Variants in ATP9B observed in about 807,000 individuals in gnomAD.
ATP9B encodes the protein probable phospholipid-transporting ATPase IIB.
In ATP9B, 110 loss-of-function variants were observed where a neutral mutation model predicts 146.1. The observed-to-expected ratio is 0.75, with a 90% CI of 0.65 to 0.88. The LOEUF is 0.88. Among genes scored for constraint, ATP9B ranks in the 40% least tolerant of loss-of-function variants. The probability of loss-of-function intolerance (pLI) is 0.00; values close to 1 mark genes in which losing one functional copy is unlikely to be tolerated. For synonymous variants in ATP9B, 604 were observed against 569.7 expected, an observed-to-expected ratio of 1.06 and a Z score of -0.86; for missense variants, 1,499 against 1,496.4, an observed-to-expected ratio of 1.00 and a Z score of -0.03.
At chr18:79,300,333 G>T (rs541518386) in intron 13 of ATP9B, among the ~76,000 whole-genome samples, 1 of 152,256 alleles carries the variant, frequency 6.6e-6, no homozygotes, top group South Asian at 2.1e-4. Flanking sequence ...TGTCACCTGG[G>T]TGCCCTCGTG....
At chr18:79,257,969 C>T (rs2096099954) in intron 12 of ATP9B, among the ~76,000 whole-genome samples, 1 of 152,148 alleles carries the variant, frequency 6.6e-6, no homozygotes, top group Admixed American at 6.5e-5. Flanking sequence ...ACTTTTATTA[C>T]ATTTTAGTGA....
intron 25 of ATP9B, among the ~76,000 whole-genome samples, chr18:79,355,319 G>A (rs1268942360): frequency 6.6e-6 from 1 of 152,248 alleles, no homozygotes; most frequent in African/African-American, 2.4e-5. Context: ...AGATGGCAGA[G>A]ATGCTAGAAT....
chr18:79,189,920 A>G (rs958481992), intron 8 of ATP9B, among the ~76,000 whole-genome samples: 16 of 152,250 alleles, frequency 1.1e-4, no homozygotes, highest in Non-Finnish European at 2.4e-4. Context: ...GATGGAAAAC[A>G]TGTGAGCACC....
At chr18:79,354,406 T>C (rs919604155) in intron 25 of ATP9B, 15 of 151,786 alleles carry the variant, frequency 9.9e-5, no homozygotes, top group African/African-American at 3.1e-4. Context: ...AGACCCTATC[T>C]CTACAGGAGA....
intron 9 of ATP9B, among the ~76,000 whole-genome samples, chr18:79,193,535 T>A (rs2095389335): frequency 6.6e-6 from 1 of 152,236 alleles, no homozygotes; most frequent in Non-Finnish European, 1.5e-5. Context: ...TGAAGTAATT[T>A]ATTTTCATTC....
rs751763607 is a variant in ATP9B at position 79,110,410 on chromosome 18, A to C, written c.349A>C (p.Thr117Pro). The change falls in exon 3 of 30, where the codon ACA (threonine) becomes CCA (proline). Residue 117 changes from threonine (T) to proline (P), a missense_variant. Transcript: ENST00000426216. Reference sequence around the variant, plus strand: ...AAGAAAGAAAGAGCTGAAAGCTCGCACAGTATGGCTTGGATGTCCTGAAAA... The same window carrying C: ...AAGAAAGAAAGAGCTGAAAGCTCGCCCAGTATGGCTTGGATGTCCTGAAAA... ...CRRKKELKAR[T>P]VWLGCPEKCE... is the part of the protein sequence containing the mutation. 1.2e-5 allele frequency: 19 copies of C among 1,611,294 alleles called. No individual in the cohort carries two copies. Among genetic ancestry groups the C allele is most frequent in the Non-Finnish European group, 1.4e-5 (17 of 1,178,408 alleles).
At position 79,377,605 on chromosome 18, in the gene ATP9B, A is replaced by G. The variant is rs1600531560; in HGVS notation, c.*222A>G. On this transcript the variant is annotated 3_prime_UTR_variant, in exon 30 of 30. Coordinates refer to ENST00000426216, the MANE Select transcript of ATP9B (RefSeq NM_198531.5). ...GCAAGCCCAGGGCACAGATGCCAGGATGGCTTCTCCCTCTCAGTGCGAGGC... is the reference window on the plus strand; with the variant it reads ...GCAAGCCCAGGGCACAGATGCCAGGGTGGCTTCTCCCTCTCAGTGCGAGGC... 1 of 598,252 alleles carries G rather than the reference A, an allele frequency of 1.7e-6. No individual in the cohort carries two copies. The highest frequency in any genetic ancestry group is 3.0e-5 in the East Asian group (1 of 33,824). 37.1% of individuals were successfully genotyped at this position (598,252 alleles called of 1,614,324 possible).
rs1045256508 is a variant in ATP9B at position 79,371,391 on chromosome 18, A to C, written c.3013-1434A>C. Among the ~76,000 whole-genome samples the C allele has an allele frequency of 1.7e-4, 25 of 151,232 alleles. No homozygotes were observed. The South Asian group carries it at 2.1e-3, about 13-fold the overall frequency. ...GTCTTAAAAAAAAAAAAAAAAAAAA[A>C]AAAAAAAAAACAGTAGTGCTTCTTC... On this transcript the variant is annotated intron_variant, in intron 26 of 29. Coordinates refer to ENST00000426216, the MANE Select transcript of ATP9B (RefSeq NM_198531.5).
At chr18:79,099,724 A>G (rs2075114601) in intron 2 of ATP9B, among the ~76,000 whole-genome samples, 1 of 152,018 alleles carries the variant, frequency 6.6e-6, no homozygotes, top group Non-Finnish European at 1.5e-5. Flanking sequence ...AGCCTCCCAA[A>G]GTGCTGGGAT....
rs1295382585 is a variant in ATP9B, at chr18:79,154,645, T to TA, written c.778+91dup. On this transcript the variant is annotated intron_variant, in intron 7 of 29. Transcript: ENST00000426216. ...CTATACAAGGAAAAACTGTTTTCCT[T>TA]ACATTTTTAGTATGCTGCAGCAATG... is the stretch of plus-strand genomic sequence containing the variant. 34 of 851,580 alleles carry TA rather than the reference T, an allele frequency of 4.0e-5. 1 individual carries two copies. The highest frequency in any genetic ancestry group is 2.9e-4 in the Middle Eastern group (1 of 3,472). The allele number at this position is 851,580 out of a possible 1,614,324, so 52.8% of individuals were successfully genotyped here. A position where few individuals can be genotyped will look rare whatever the true frequency, so the allele number is the denominator to read the frequency against.
At chr18:79,123,122 G>A (rs679197) in intron 4 of ATP9B, among the ~76,000 whole-genome samples, 20,724 of 151,892 alleles carry the variant, frequency 0.14, 2,014 homozygotes, top group African/African-American at 0.27. Flanking sequence ...GAAAGAAAGA[G>A]GACTGTCTAT....
intron 25 of ATP9B, 79 bp downstream of exon 25, chr18:79,348,275 AACGTATATAG>A: frequency 8.2e-7 from 1 of 1,217,060 alleles, no homozygotes; most frequent in Non-Finnish European, 1.2e-6. Context: ...AAAAACAAAA[AACGTATATAG>A]AAGATTCTTG....
rs769159587 is a variant in ATP9B, at chr18:79,337,315, A to C, written c.2149A>C (p.Arg717=). ...YTQAKLSMHD[R]SLKVAAVVES... is the part of the protein sequence containing the mutation. ...TCAAGCCAAGCTGAGCATGCACGAC[A>C]GGTCCCTCAAGGTGGCCGCGGTAGT... The change falls in exon 19 of 30, where the codon AGG becomes CGG. Residue 717 remains arginine (R), a synonymous_variant. Transcript: ENST00000426216. 6.2e-7 allele frequency: 1 copy of C among 1,614,110 alleles called. No homozygotes were observed. The highest frequency in any genetic ancestry group is 1.1e-5 in the South Asian group (1 of 91,074).
chr18:79,220,960 C>T (rs780888403), intron 11 of ATP9B, among the ~76,000 whole-genome samples: 25 of 152,180 alleles, frequency 1.6e-4, no homozygotes, highest in Non-Finnish European at 2.8e-4. Flanking sequence ...AGCGTCCTCT[C>T]CCGTTGCCCT....
At chr18:79,325,755 C>T (rs1240698956) in intron 15 of ATP9B, among the ~76,000 whole-genome samples, 1 of 152,208 alleles carries the variant, frequency 6.6e-6, no homozygotes, top group Non-Finnish European at 1.5e-5. Context: ...CGATCCCTGG[C>T]TTTGCTCCCG....
chr18:79,356,854 TCCGTGTGAGGGACC>T (rs1429904374), intron 25 of ATP9B, among the ~76,000 whole-genome samples: 4 of 54,604 alleles, frequency 7.3e-5, no homozygotes, highest in African/African-American at 1.0e-4. Flanking sequence ...TCTGGAGGTG[TCCGTGTGAGGGACC>T]CTGTGTGAGG....
chr18:79,286,863 C>G (rs911721180), intron 13 of ATP9B, among the ~76,000 whole-genome samples: 6 of 152,178 alleles, frequency 3.9e-5, no homozygotes, highest in South Asian at 2.1e-4. Context: ...ATTTCTGCAT[C>G]TATTGAGATA....
At chr18:79,270,542 CT>C (rs1284207871) in intron 12 of ATP9B, among the ~76,000 whole-genome samples, 1 of 152,026 alleles carries the variant, frequency 6.6e-6, no homozygotes, top group Non-Finnish European at 1.5e-5. Flanking sequence ...TTCATTTATT[CT>C]TTTTTTCTCC....
At chr18:79,319,502 G>C (rs1599930797) in intron 15 of ATP9B, among the ~76,000 whole-genome samples, 1 of 152,234 alleles carries the variant, frequency 6.6e-6, no homozygotes, top group East Asian at 1.9e-4. Context: ...TGAATAGAGG[G>C]AACACTGAAC....
Sources: allele counts gnomAD v4.1 joint callset (sites outside exome capture counted in the v4.1 genomes callset), GRCh38; gene constraint gnomAD v4.1.1; transcripts MANE v1.5; gene names NCBI Gene and HGNC (gene_info 2026-07-23, HGNC 2026-07-21).